Variants in MTCL2 observed in about 807,000 individuals in gnomAD.
The protein encoded by MTCL2 is microtubule crosslinking factor 2, also known as microtubule cross-linking factor 2.
chr20:36,808,781 T>G, the MTCL2 span: 443 of 1,410,754 alleles, frequency 3.1e-4, no homozygotes, highest in Non-Finnish European at 3.9e-4. Flanking sequence ...CCCAGGGCCC[T>G]GTCCTCTCCC....
chr20:36,813,791 A>G, the MTCL2 span, among the ~76,000 whole-genome samples: 1 of 151,710 alleles, frequency 6.6e-6, no homozygotes, highest in Non-Finnish European at 1.5e-5. Flanking sequence ...AAAGAAAAAA[A>G]GAAAGTGCTA....
chr20:36,777,880 C>T, the MTCL2 span: 5 of 615,358 alleles, frequency 8.1e-6, no homozygotes, highest in African/African-American at 4.0e-5. Context: ...GCACTGTCTA[C>T]AAGGTATCCC....
At chr20:36,840,302 C>CT in the MTCL2 span, among the ~76,000 whole-genome samples, 1 of 151,296 alleles carries the variant, frequency 6.6e-6, no homozygotes. Flanking sequence ...GTAGCTGGGA[C>CT]TACAGGCACC....
At chr20:36,821,036 T>G in the MTCL2 span, among the ~76,000 whole-genome samples, 1 of 152,156 alleles carries the variant, frequency 6.6e-6, no homozygotes, top group East Asian at 1.9e-4. Flanking sequence ...GATAACAAAG[T>G]TGCATGGTTC....
At chr20:36,840,257 T>C in the MTCL2 span, among the ~76,000 whole-genome samples, 1 of 150,896 alleles carries the variant, frequency 6.6e-6, no homozygotes, top group Admixed American at 6.6e-5. Flanking sequence ...CTCCCCCTCC[T>C]GGGTTCACGC....
At chr20:36,803,940 C>T in the MTCL2 span, among the ~76,000 whole-genome samples, 1 of 113,582 alleles carries the variant, frequency 8.8e-6, no homozygotes, top group South Asian at 2.8e-4. Context: ...CTGAGTGACA[C>T]AGTGAGATGC....
the MTCL2 span, among the ~76,000 whole-genome samples, chr20:36,812,219 T>C: frequency 3.2e-4 from 48 of 152,338 alleles, no homozygotes; most frequent in Admixed American, 5.9e-4. Flanking sequence ...ATGTGGACCA[T>C]GCCTTAAGCT....
chr20:36,831,109 A>C, the MTCL2 span, among the ~76,000 whole-genome samples: 5,139 of 152,298 alleles, frequency 0.034, 337 homozygotes, highest in African/African-American at 0.12. Flanking sequence ...GGTTGAGGGA[A>C]GCCAGGAAAG....
At chr20:36,803,179 C>G in the MTCL2 span, 21 of 1,506,502 alleles carry the variant, frequency 1.4e-5, no homozygotes, top group African/African-American at 6.9e-5. Flanking sequence ...CTCCTTCCCT[C>G]CTGGGTGCCA....
the MTCL2 span, among the ~76,000 whole-genome samples, chr20:36,837,274 T>TTC: frequency 6.6e-6 from 1 of 151,760 alleles, no homozygotes; most frequent in Admixed American, 6.6e-5. Context: ...GGCCCTGGAG[T>TTC]TCTCACCACC....
chr20:36,797,042 G>T, the MTCL2 span: 1 of 1,119,760 alleles, frequency 8.9e-7, no homozygotes, highest in Non-Finnish European at 1.4e-6. Flanking sequence ...CTCAGTGCTT[G>T]AATCTCCTCA....
the MTCL2 span, chr20:36,862,814 G>C: frequency 7.3e-7 from 1 of 1,369,886 alleles, no homozygotes; most frequent in Non-Finnish European, 9.4e-7. Flanking sequence ...CCGACGGCTC[G>C]TCCGGGGAGG....
At chr20:36,803,852 C>T in the MTCL2 span, among the ~76,000 whole-genome samples, 2 of 147,712 alleles carry the variant, frequency 1.4e-5, no homozygotes, top group Admixed American at 1.4e-4. Flanking sequence ...AGTTGCTTTG[C>T]AGGCTGAGGC....
the MTCL2 span, chr20:36,812,893 G>C: frequency 3.2e-6 from 5 of 1,574,374 alleles, no homozygotes; most frequent in Non-Finnish European, 3.4e-6. Flanking sequence ...CCATGGGGAG[G>C]GGCCCGAGGG....
At chr20:36,843,614 G>C in the MTCL2 span, among the ~76,000 whole-genome samples, 3 of 152,234 alleles carry the variant, frequency 2.0e-5, no homozygotes, top group African/African-American at 7.2e-5. Flanking sequence ...GATCACTCAG[G>C]AAGTGCAAGC....
the MTCL2 span, among the ~76,000 whole-genome samples, chr20:36,856,303 C>G: frequency 6.6e-6 from 1 of 152,206 alleles, no homozygotes; most frequent in Non-Finnish European, 1.5e-5. Flanking sequence ...GGAAGTCTGC[C>G]AAGTCCCTCC....
the MTCL2 span, among the ~76,000 whole-genome samples, chr20:36,803,541 A>G: frequency 3.2e-4 from 48 of 152,184 alleles, no homozygotes; most frequent in African/African-American, 1.1e-3. Context: ...CTTTGGGGGC[A>G]GCAGGTGCAG....
chr20:36,862,357 C>T, the MTCL2 span, among the ~76,000 whole-genome samples: 1 of 152,300 alleles, frequency 6.6e-6, no homozygotes, highest in South Asian at 2.1e-4. Context: ...TCCCTGGCTA[C>T]CCACCCCCAC....
chr20:36,795,374 G>A, the MTCL2 span, among the ~76,000 whole-genome samples: 1 of 152,310 alleles, frequency 6.6e-6, no homozygotes, highest in South Asian at 2.1e-4. Context: ...AGAGGCATGA[G>A]CCACTGCACC....
Sources: allele counts gnomAD v4.1 joint callset (sites outside exome capture counted in the v4.1 genomes callset), GRCh38; gene constraint gnomAD v4.1.1; transcripts MANE v1.5; gene names NCBI Gene and HGNC (gene_info 2026-07-23, HGNC 2026-07-21).